RORA: variants seen among roughly 807,000 people sequenced by gnomAD.
The protein encoded by RORA is nuclear receptor ROR-alpha.
In RORA, 7 loss-of-function variants were observed where a neutral mutation model predicts 69.5. That is an observed-to-expected ratio of 0.10 (90% CI 0.06 to 0.19). RORA has a LOEUF of 0.19. RORA is among the 10% of genes least tolerant of loss of function. RORA has a pLI of 1.00. For synonymous variants in RORA, 261 were observed against 240.8 expected (o/e 1.08, Z -0.78); for missense variants, 457 against 663.0 (o/e 0.69, Z 3.41).
intron 1 of RORA, among the ~76,000 whole-genome samples, chr15:60,776,857 C>G (rs1008936305): frequency 3.9e-5 from 6 of 152,096 alleles, no homozygotes; most frequent in Admixed American, 1.3e-4. Context: ...TTTTCCTTGC[C>G]CTATTTTTCC....
Position 60,514,610 on chromosome 15 carries a change from G to A in RORA, c.424+6C>T. ...CAACTGTACAACTCAAGCTGTGAGAGCTCACCATCTCGAGACATCCCTACG... is the reference window on the plus strand; with the variant it reads ...CAACTGTACAACTCAAGCTGTGAGAACTCACCATCTCGAGACATCCCTACG... On this transcript the variant is annotated splice_donor_region_variant and intron_variant, in intron 4 of 10. Transcript: ENST00000335670. 1.2e-6 allele frequency: 2 copies of A among 1,613,694 alleles called. No homozygotes were observed. Among genetic ancestry groups the A allele is most frequent in the South Asian group, 1.1e-5 (1 of 91,028 alleles).
At chr15:60,786,586 G>T (rs562178675) in intron 1 of RORA, among the ~76,000 whole-genome samples, 1 of 152,194 alleles carries the variant, frequency 6.6e-6, no homozygotes, top group Non-Finnish European at 1.5e-5. Flanking sequence ...GGCCAGCCAG[G>T]GTTGACAGTG....
At chr15:61,011,742 G>C (rs943626301) in intron 1 of RORA, among the ~76,000 whole-genome samples, 1 of 152,218 alleles carries the variant, frequency 6.6e-6, no homozygotes. Flanking sequence ...TGATTTATGA[G>C]GGTTTAGCCC....
At chr15:60,922,294 C>T (rs1439034519) in intron 1 of RORA, among the ~76,000 whole-genome samples, 1 of 151,936 alleles carries the variant, frequency 6.6e-6, no homozygotes, top group Non-Finnish European at 1.5e-5. Flanking sequence ...AGGCACAACA[C>T]CAAGAGTGAA....
At chr15:60,875,103 T>C (rs552755473) in intron 1 of RORA, among the ~76,000 whole-genome samples, 2 of 152,278 alleles carry the variant, frequency 1.3e-5, no homozygotes, top group South Asian at 4.2e-4. Flanking sequence ...GCTAGACCCC[T>C]AGCTTACTGA....
chr15:61,007,343 G>C (rs1031457971), intron 1 of RORA, among the ~76,000 whole-genome samples: 1 of 151,996 alleles, frequency 6.6e-6, no homozygotes, highest in Non-Finnish European at 1.5e-5. Flanking sequence ...ATATGATACG[G>C]ACTAAAACAA....
At chr15:60,549,631 G>T (rs565677056) in intron 2 of RORA, among the ~76,000 whole-genome samples, 41 of 152,262 alleles carry the variant, frequency 2.7e-4, no homozygotes, top group African/African-American at 9.6e-4. Flanking sequence ...CCTGGGGATA[G>T]GTATGTGTGT....
chr15:61,095,805 G>T (rs561875670), intron 1 of RORA, among the ~76,000 whole-genome samples: 2 of 152,308 alleles, frequency 1.3e-5, no homozygotes, highest in South Asian at 4.2e-4. Context: ...TTTTGAGGCA[G>T]CCCATACAGG....
chr15:60,922,402 G>T (rs533710842), intron 1 of RORA, among the ~76,000 whole-genome samples: 10 of 151,950 alleles, frequency 6.6e-5, no homozygotes, highest in East Asian at 3.9e-4. Context: ...GTGGGAGAGT[G>T]GGGGGAAGGG....
At chr15:60,585,733 T>C (rs1254464823) in intron 2 of RORA, among the ~76,000 whole-genome samples, 1 of 152,170 alleles carries the variant, frequency 6.6e-6, no homozygotes, top group Non-Finnish European at 1.5e-5. Flanking sequence ...AGCAAATAAA[T>C]CAGCTTTAAG....
intron 3 of RORA, among the ~76,000 whole-genome samples, chr15:60,516,197 T>TAAA (rs2065936628): frequency 2.3e-4 from 3 of 13,216 alleles, no homozygotes; most frequent in African/African-American, 3.9e-4. Context: ...ATATATATAT[T>TAAA]TATATATATA....
At chr15:61,173,827 G>T (rs1372436592) in intron 1 of RORA, among the ~76,000 whole-genome samples, 1 of 152,130 alleles carries the variant, frequency 6.6e-6, no homozygotes, top group African/African-American at 2.4e-5. Context: ...ACCGTGCCTG[G>T]ATGATTTTTT....
intron 1 of RORA, among the ~76,000 whole-genome samples, chr15:61,125,366 G>A (rs1223903378): frequency 6.6e-6 from 1 of 152,178 alleles, no homozygotes; most frequent in Non-Finnish European, 1.5e-5. Context: ...GGGGGCTGTT[G>A]CTATCAAGAG....
chr15:60,714,658 C>T (rs909132912), intron 1 of RORA, among the ~76,000 whole-genome samples: 7 of 152,106 alleles, frequency 4.6e-5, no homozygotes, highest in Non-Finnish European at 1.0e-4. Context: ...AGCCACCGTG[C>T]CTGGTCAATT....
intron 1 of RORA, among the ~76,000 whole-genome samples, chr15:60,720,802 G>A (rs2071283760): frequency 6.6e-6 from 1 of 152,074 alleles, no homozygotes; most frequent in Non-Finnish European, 1.5e-5. Context: ...GACTAATAAC[G>A]GGCGGCTGTA....
At chr15:61,046,171 C>A (rs938330757) in intron 1 of RORA, among the ~76,000 whole-genome samples, 2 of 152,096 alleles carry the variant, frequency 1.3e-5, no homozygotes, top group Non-Finnish European at 2.9e-5. Flanking sequence ...GAAAGGAGGG[C>A]AGGGGAGGTA....
intron 1 of RORA, among the ~76,000 whole-genome samples, chr15:60,704,529 T>A (rs1421164729): frequency 6.6e-6 from 1 of 152,236 alleles, no homozygotes; most frequent in Non-Finnish European, 1.5e-5. Context: ...TTGCCCCTAC[T>A]GTTCACAGTA....
At chr15:60,825,628 G>A (rs1398184649) in intron 1 of RORA, among the ~76,000 whole-genome samples, 3 of 152,086 alleles carry the variant, frequency 2.0e-5, no homozygotes, top group African/African-American at 7.2e-5. Context: ...CATCCTTCAC[G>A]TGCTGTGATG....
chr15:60,947,361 G>A (rs1190738269), intron 1 of RORA, among the ~76,000 whole-genome samples: 1 of 152,182 alleles, frequency 6.6e-6, no homozygotes, highest in Non-Finnish European at 1.5e-5. Context: ...AAATTCTTCT[G>A]CCTTGGGATG....
Sources: gnomAD v4.1 joint callset for allele counts (sites outside exome capture counted in the v4.1 genomes callset) on GRCh38, gnomAD v4.1.1 for gene constraint, MANE v1.5 for transcripts, NCBI Gene and HGNC (gene_info 2026-07-23, HGNC 2026-07-21) for gene names.